ZNF160: variants seen among roughly 807,000 people sequenced by gnomAD.
The protein encoded by ZNF160 is zinc finger protein 160, also known as KRAB zinc finger protein KR18.
ZNF160 carries 9 observed loss-of-function variants against 13.1 expected under a neutral mutation model. The observed-to-expected ratio is 0.69, with a 90% CI of 0.41 to 1.20. ZNF160 has a LOEUF of 1.20. Ranked by LOEUF, ZNF160 falls within the 50% of genes most tolerant of loss-of-function variation. The pLI is 0.01. For missense variants in ZNF160, 838 were observed against 988.0 expected (o/e 0.85, Z 2.04); for synonymous variants, 293 against 333.2 (o/e 0.88, Z 1.31).
At chr19:53,092,814 G>T (rs2085084346) in intron 1 of ZNF160, among the ~76,000 whole-genome samples, 2 of 152,270 alleles carry the variant, frequency 1.3e-5, no homozygotes, top group South Asian at 4.1e-4. Context: ...CAATTGTTTA[G>T]ACAGGAAAAA....
chr19:53,072,850 T>TAA, intron 5 of ZNF160: 3 of 670,476 alleles, frequency 4.5e-6, no homozygotes, highest in Non-Finnish European at 5.5e-6. Flanking sequence ...AAACTTCATT[T>TAA]AAAAAAAAAA....
rs1033794099 is a variant in ZNF160 at position 53,081,906 on chromosome 19, T to G, written c.15+4356A>C. 4.6e-5 allele frequency among the ~76,000 whole-genome samples: 7 copies of G among 152,250 alleles called. No individual in the cohort carries two copies. In the South Asian group the frequency reaches 1.4e-3, roughly 32 times the overall value. On this transcript the variant is annotated intron_variant, in intron 3 of 5. Transcript: ENST00000683776. ...AGTGGATCGGATAAAGAAAATATAG[T>G]AGACATATACCCTATGGAATATTAT...
intron 3 of ZNF160, among the ~76,000 whole-genome samples, chr19:53,076,629 A>G: frequency 6.6e-6 from 1 of 152,074 alleles, no homozygotes; most frequent in Non-Finnish European, 1.5e-5. Context: ...ACAGAGTGAG[A>G]CTCCATCTCA....
At chr19:53,089,241 T>C (rs571300140) in intron 2 of ZNF160, among the ~76,000 whole-genome samples, 130 of 152,298 alleles carry the variant, frequency 8.5e-4, no homozygotes, top group Non-Finnish European at 1.6e-3. Flanking sequence ...CTGATCCTAA[T>C]TCTAGCTGGA....
chr19:53,102,479 C>G (rs1016908191), intron 1 of ZNF160, among the ~76,000 whole-genome samples: 2 of 152,188 alleles, frequency 1.3e-5, no homozygotes, highest in Non-Finnish European at 2.9e-5. Flanking sequence ...TTTGCTGTCC[C>G]TCTCCTTATC....
In ZNF160 at chr19:53,069,964, A is replaced by G; in HGVS notation, c.570T>C (p.Pro190=). 1 of 1,614,192 alleles carries G rather than the reference A, an allele frequency of 6.2e-7. No individual in the cohort carries two copies. Among genetic ancestry groups the G allele is most frequent in the Non-Finnish European group, 8.5e-7 (1 of 1,180,030 alleles). Residue 190 remains proline, a synonymous_variant, in exon 6 of 6, where the codon CCT becomes CCC. Coordinates refer to ENST00000683776, the MANE Select transcript of ZNF160 (RefSeq NM_001322131.2). The surrounding 1 kb of genome is among the most constrained non-coding windows in gnomAD (Gnocchi z 4.4). The part of the protein sequence containing the change: ...QLGVSFHSHL[P]ELQLFQGEGK... ...CCTCACCTTGAAATAGCTGCAGTTC[A>G]GGCAGATGAGAATGAAAGCTTACTC... is the stretch of plus-strand genomic sequence containing the variant.
chr19:53,085,071 G>T, intron 3 of ZNF160: 1 of 674,398 alleles, frequency 1.5e-6, no homozygotes, highest in Non-Finnish European at 1.8e-6. Flanking sequence ...CTCCCACCTT[G>T]GCTTCCACAA....
intron 1 of ZNF160, among the ~76,000 whole-genome samples, chr19:53,100,400 G>A (rs2085399118): frequency 6.8e-6 from 1 of 147,902 alleles, no homozygotes; most frequent in Non-Finnish European, 1.5e-5. Flanking sequence ...CACGAGGTCA[G>A]GAGATCGAGA....
At chr19:53,099,398 A>C (rs2085362138) in intron 1 of ZNF160, among the ~76,000 whole-genome samples, 1 of 152,198 alleles carries the variant, frequency 6.6e-6, no homozygotes. Context: ...AGATGAGGGC[A>C]AGCTCCCAGG....
intron 1 of ZNF160, among the ~76,000 whole-genome samples, chr19:53,097,396 C>T (rs1480445554): frequency 1.3e-5 from 2 of 148,276 alleles, no homozygotes; most frequent in Admixed American, 1.3e-4. Flanking sequence ...ATCCCCGTTG[C>T]CCTCTGGACT....
Position 53,067,687 on chromosome 19 carries a change from T to C in ZNF160, c.*390A>G, listed in dbSNP as rs2084009682. The stretch of plus-strand genomic sequence containing the variant: ...ACAAATATCCTGCAACCTTTTCGTA[T>C]GTGAGTTAAAAATATATAATTTTTA... On this transcript the variant is annotated 3_prime_UTR_variant, in exon 6 of 6. Transcript: ENST00000683776. 1.8e-5 allele frequency: 3 copies of C among 163,230 alleles called. No individual in the cohort carries two copies. In the South Asian group the frequency reaches 5.9e-4, roughly 32 times the overall value. The allele number at this position is 163,230 out of a possible 1,614,324, so 10.1% of individuals were successfully genotyped here.
chr19:53,100,704 T>A (rs1330599675), intron 1 of ZNF160, among the ~76,000 whole-genome samples: 2 of 147,362 alleles, frequency 1.4e-5, no homozygotes, highest in Non-Finnish European at 3.0e-5. Context: ...CATCTAAAAT[T>A]CCTACTGATG....
At chr19:53,073,560 A>C in intron 5 of ZNF160, 1 of 1,541,784 alleles carries the variant, frequency 6.5e-7, no homozygotes, top group East Asian at 2.3e-5. Flanking sequence ...AGACGTCAGG[A>C]CTAAGGACTA....
chr19:53,078,995 G>A (rs1459781912), intron 3 of ZNF160, among the ~76,000 whole-genome samples: 1 of 152,036 alleles, frequency 6.6e-6, no homozygotes, highest in Non-Finnish European at 1.5e-5. Flanking sequence ...ATATGACAAG[G>A]AAACAAAAGT....
At chr19:53,094,980 C>T (rs528695236) in intron 1 of ZNF160, among the ~76,000 whole-genome samples, 226 of 151,828 alleles carry the variant, frequency 1.5e-3, no homozygotes, top group Admixed American at 2.6e-3. Context: ...CATCCCGCCG[C>T]CCTCTTCCAG....
chr19:53,073,254 C>T, intron 5 of ZNF160: 1 of 1,486,000 alleles, frequency 6.7e-7, no homozygotes, highest in Non-Finnish European at 8.9e-7. Flanking sequence ...CCTGGAAAAA[C>T]AGAATACGCA....
intron 4 of ZNF160, 83 bp downstream of exon 4, chr19:53,074,974 C>T (rs1317487911): frequency 1.9e-6 from 3 of 1,588,490 alleles, no homozygotes; most frequent in Non-Finnish European, 2.6e-6. Context: ...TCAAGCAATG[C>T]AGGGGCTCTC....
intron 3 of ZNF160, among the ~76,000 whole-genome samples, chr19:53,079,348 C>T (rs1437869449): frequency 6.6e-6 from 1 of 151,950 alleles, no homozygotes; most frequent in African/African-American, 2.4e-5. Context: ...GTCAGGAGTT[C>T]AAGACCAGCC....
intron 3 of ZNF160, chr19:53,075,829 C>A: frequency 1.9e-6 from 1 of 518,906 alleles, no homozygotes; most frequent in South Asian, 1.4e-5. Context: ...TCACAATTCA[C>A]AGCTGGTCAT....
Sources: gnomAD v4.1 joint callset for allele counts (sites outside exome capture counted in the v4.1 genomes callset) on GRCh38, gnomAD v4.1.1 for gene constraint, Gnocchi (gnomAD v3.1) non-coding constraint, MANE v1.5 for transcripts, NCBI Gene and HGNC (gene_info 2026-07-23, HGNC 2026-07-21) for gene names.